Variants in GTPBP6 observed in about 807,000 individuals in gnomAD.
The protein encoded by GTPBP6 is putative GTP-binding protein 6.
GTPBP6 carries 33 observed loss-of-function variants against 28.9 expected under a neutral mutation model. The observed-to-expected ratio is 1.14, with a 90% confidence interval of 0.87 to 1.53. The LOEUF (loss-of-function observed/expected upper bound fraction) is 1.53, where lower values mean the gene tolerates loss of function less well. Ranked by LOEUF, GTPBP6 falls within the 40% of genes most tolerant of loss-of-function variation. The pLI is 0.00. For missense variants in GTPBP6, 507 were observed against 408.3 expected (o/e 1.24, Z -2.08); for synonymous variants, 231 against 192.7 (o/e 1.20, Z -1.65).
rs139614806 is a variant in GTPBP6 at position 307,257 on chromosome X, C to T, written c.1427+103G>A. 434 of 1,046,976 alleles carry T rather than the reference C, an allele frequency of 4.1e-4. 1 individual carries two copies. The East Asian group carries it at 9.7e-3, about 23-fold the overall frequency. The allele number at this position is 1,046,976 out of a possible 1,614,324, so 64.9% of individuals were successfully genotyped here. A position where few individuals can be genotyped will look rare whatever the true frequency, so the allele number is the denominator to read the frequency against. On this transcript the variant is annotated intron_variant, in intron 9 of 9. Coordinates refer to ENST00000326153, the Ensembl canonical transcript of GTPBP6. Reference sequence around the variant, plus strand: ...TCTCGTCTGTACATCCTAAAGCTCTCGGGGATCTCACAGCTCCTTGTGCAC... The same window carrying T: ...TCTCGTCTGTACATCCTAAAGCTCTTGGGGATCTCACAGCTCCTTGTGCAC...
intron 1 of GTPBP6, among the ~76,000 whole-genome samples, chrX:317,432 T>G (rs9652796): frequency 1.3e-5 from 2 of 151,806 alleles, no homozygotes; most frequent in Non-Finnish European, 1.5e-5. Context: ...GTTCCAGGAA[T>G]TAGCCATTTT....
At chrX:315,683 CAT>C (rs2070420657) in intron 2 of GTPBP6, among the ~76,000 whole-genome samples, 3 of 16,650 alleles carry the variant, frequency 1.8e-4, no homozygotes, top group African/African-American at 7.2e-4. Flanking sequence ...GACACAAACA[CAT>C]ACACACACAC....
At chrX:310,943 T>A (rs868201607) in intron 7 of GTPBP6, among the ~76,000 whole-genome samples, 1 of 141,004 alleles carries the variant, frequency 7.1e-6, no homozygotes, top group Non-Finnish European at 1.6e-5. Context: ...GGTCACTCTG[T>A]CTGTCAGGGG....
chrX:307,616 T>G, intron 8 of GTPBP6, 104 bp from the exon 9 acceptor site: 1 of 1,435,548 alleles, frequency 7.0e-7, no homozygotes, highest in Non-Finnish European at 9.4e-7. Flanking sequence ...CTGGGGCCAC[T>G]CCCTGTGTCC....
chrX:313,878 C>A (rs1295888655), intron 5 of GTPBP6, among the ~76,000 whole-genome samples: 1 of 152,000 alleles, frequency 6.6e-6, no homozygotes, highest in African/African-American at 2.4e-5. Flanking sequence ...CTGTTTAAAT[C>A]CCCAGTTTGT....
exon 3 of GTPBP6, chrX:315,279 C>T (rs2070408773): frequency 2.5e-6 from 1 of 398,570 alleles, no homozygotes; most frequent in African/African-American, 2.1e-5. Flanking sequence ...CACGTGATGT[C>T]TGGAGACCCT....
At chrX:311,706 G>A in intron 6 of GTPBP6, 79 bp from the exon 7 acceptor site, 1 of 1,172,214 alleles carries the variant, frequency 8.5e-7, no homozygotes. Flanking sequence ...CCCTCCAAAT[G>A]GAGACCACGG....
At chrX:312,656 G>A (rs760241270) in intron 6 of GTPBP6, 110 bp downstream of exon 6, 1 of 1,135,486 alleles carries the variant, frequency 8.8e-7, no homozygotes, top group East Asian at 2.4e-5. Context: ...GCTCACCGCA[G>A]CTGTCGTACG....
exon 10 of GTPBP6, chrX:304,783 T>G: frequency 1.5e-6 from 2 of 1,324,284 alleles, no homozygotes; most frequent in Non-Finnish European, 1.9e-6. Context: ...TAATGTCCTG[T>G]TACGGAAACA....
rs2070457501 is a variant in GTPBP6 at position 317,405 on chromosome X, A to C, written c.350-354T>G. Among the ~76,000 whole-genome samples the C allele has an allele frequency of 3.3e-5, 5 of 151,946 alleles. No individual in the cohort carries two copies. In the South Asian group the frequency reaches 1.0e-3, roughly 32 times the overall value. On this transcript the variant is annotated intron_variant, in intron 1 of 9. Coordinates refer to ENST00000326153, the Ensembl canonical transcript of GTPBP6. Reference sequence around the variant, plus strand: ...AAGAGGTCTGCGCGCTGTTCTGAGCAGTTCGGGGCTTCATCTGTTCCAGGA... The same window carrying C: ...AAGAGGTCTGCGCGCTGTTCTGAGCCGTTCGGGGCTTCATCTGTTCCAGGA...
chrX:318,529 C>G (rs1204953354), exon 1 of GTPBP6: 1 of 398,550 alleles, frequency 2.5e-6, no homozygotes, highest in Non-Finnish European at 4.4e-6. Flanking sequence ...AGAGGCTCTC[C>G]CCGCAGCAGC....
Position 311,636 on chromosome X carries a change from G to A in GTPBP6, c.917-9C>T, listed in dbSNP as rs1018512423. On this transcript the variant is annotated splice_polypyrimidine_tract_variant and intron_variant, in intron 6 of 9. Coordinates refer to ENST00000326153, the Ensembl canonical transcript of GTPBP6. ...GATCAGCGTGGTCTTTCCTAGGAGG[G>A]CGTGGAGGTCAGGGCGCTGCAGAGA... The A allele has an allele frequency of 5.6e-6, 9 of 1,607,542 alleles. No individual in the cohort carries two copies. Among genetic ancestry groups the A allele is most frequent in the Non-Finnish European group, 7.7e-6 (9 of 1,175,808 alleles).
intron 4 of GTPBP6, 31 bp downstream of exon 4, chrX:314,859 C>T (rs1312773446): frequency 7.8e-5 from 31 of 399,488 alleles, no homozygotes; most frequent in South Asian, 1.3e-4. Context: ...GTGGACGTGA[C>T]GCTCGGCGCG....
Position 307,895 on chromosome X carries a change from G to T in GTPBP6, c.1126-15C>A, listed in dbSNP as rs372203290. 9.8e-5 allele frequency: 148 copies of T among 1,505,516 alleles called. 1 individual carries two copies. The Middle Eastern group carries it at 2.3e-3, about 23-fold the overall frequency. The allele number at this position is 1,505,516 out of a possible 1,614,324, so 93.3% of individuals were successfully genotyped here. A position where few individuals can be genotyped will look rare whatever the true frequency, so the allele number is the denominator to read the frequency against. On this transcript the variant is annotated splice_polypyrimidine_tract_variant and intron_variant, in intron 7 of 9. Coordinates refer to ENST00000326153, the Ensembl canonical transcript of GTPBP6. ...AAGATGAGATCCTGTGGGCCGGGCC[G>T]TGGGGTCAGAGCTGCGGAGCCTCTG...
intron 6 of GTPBP6, 109 bp downstream of exon 6, chrX:312,657 C>G (rs1233113388): frequency 1.8e-6 from 2 of 1,132,238 alleles, no homozygotes; most frequent in Non-Finnish European, 2.6e-6. Flanking sequence ...CTCACCGCAG[C>G]TGTCGTACGG....
At position 308,871 on chromosome X, in the gene GTPBP6, G is replaced by A. The variant is rs761568535; in HGVS notation, c.1126-991C>T. Among the ~76,000 whole-genome samples, 409 of 151,756 alleles carry A rather than the reference G, an allele frequency of 2.7e-3. 4 individuals carry two copies. The highest frequency in any genetic ancestry group is 9.6e-3 in the African/African-American group (397 of 41,390). ...GCCTCAGCCTCTCTTGAGTAGCTGG[G>A]ACTACAGGCACCCGCCACCATGCCT... is the stretch of plus-strand genomic sequence containing the variant. On this transcript the variant is annotated intron_variant, in intron 7 of 9. Coordinates refer to ENST00000326153, the Ensembl canonical transcript of GTPBP6.
chrX:317,912 T>C (rs2070470631), intron 1 of GTPBP6, among the ~76,000 whole-genome samples: 1 of 76,706 alleles, frequency 1.3e-5, no homozygotes, highest in African/African-American at 5.1e-5. Context: ...ACCCCACCCA[T>C]GCACCTCCAC....
rs1333872031 is a variant in GTPBP6, at chrX:311,528, AGCGTGCCC to A, written c.1008_1015del (p.Gly337AlafsTer111). On this transcript the variant is annotated frameshift_variant, in exon 7 of 10. Coordinates refer to ENST00000326153, the Ensembl canonical transcript of GTPBP6. LOFTEE classifies it high-confidence loss of function. The stretch of plus-strand genomic sequence containing the variant: ...GTACAGGACGGTCATGCGTGAGGGC[AGCGTGCCC>A]GCGTGGGCCGTGACGTCCAGCGTGG... The A allele has an allele frequency of 1.2e-6, 2 of 1,612,214 alleles. No homozygotes were observed. Among genetic ancestry groups the A allele is most frequent in the Admixed American group, 3.3e-5 (2 of 60,008 alleles).
rs774506784 is a variant in GTPBP6, at chrX:313,363, A to T, written c.758-439T>A. 2.0e-5 allele frequency among the ~76,000 whole-genome samples: 3 copies of T among 152,172 alleles called. No individual in the cohort carries two copies. The East Asian group carries it at 5.8e-4, about 30-fold the overall frequency. ...GGTTAGGGTGGGCCCTAAGGCAACG[A>T]CCTGTGTCCTTCTAAGAAGCAGAGA... On this transcript the variant is annotated intron_variant, in intron 5 of 9. Coordinates refer to ENST00000326153, the Ensembl canonical transcript of GTPBP6.
Sources: gnomAD v4.1 joint callset for allele counts (sites outside exome capture counted in the v4.1 genomes callset) on GRCh38, gnomAD v4.1.1 for gene constraint, MANE v1.5 for transcripts, NCBI Gene and HGNC (gene_info 2026-07-23, HGNC 2026-07-21) for gene names.